The following MIR2052HG variants were observed in gnomAD, a reference collection of about 807,000 sequenced individuals.
MIR2052HG encodes MIR2052 host gene.
chr8:74,651,468 A>G (rs1009761336), intron 2 of MIR2052HG, among the ~76,000 whole-genome samples: 1 of 152,154 alleles, frequency 6.6e-6, no homozygotes, highest in African/African-American at 2.4e-5. Flanking sequence ...ATAAAATAGT[A>G]TAACATTTAT....
intron 2 of MIR2052HG, among the ~76,000 whole-genome samples, chr8:74,633,558 C>G (rs79527808): frequency 1.3e-5 from 2 of 152,156 alleles, no homozygotes; most frequent in Non-Finnish European, 2.9e-5. Context: ...TGCTAAATGA[C>G]GGCAGAGATT....
chr8:74,619,637 A>T (rs1808333756), intron 2 of MIR2052HG, among the ~76,000 whole-genome samples: 1 of 152,154 alleles, frequency 6.6e-6, no homozygotes, highest in Non-Finnish European at 1.5e-5. Context: ...ACACTTATAA[A>T]ACCATAAGAT....
chr8:74,704,644 T>G (rs1477388252), intron 4 of MIR2052HG, among the ~76,000 whole-genome samples: 1 of 152,060 alleles, frequency 6.6e-6, no homozygotes, highest in East Asian at 1.9e-4. Context: ...ATAACTGCAC[T>G]TAGAATTACA....
chr8:74,711,376 G>T lies in MIR2052HG; in HGVS notation n.371+7694G>T, dbSNP rs1384382506. ...CCCATTCCCTAACTCAATGCCTTGTGTATGTAGGAGGATCTTAATCATTTT... is the reference window on the plus strand; with the variant it reads ...CCCATTCCCTAACTCAATGCCTTGTTTATGTAGGAGGATCTTAATCATTTT... On this transcript the variant is annotated intron_variant and non_coding_transcript_variant, in intron 4 of 6. Transcript: ENST00000523442. 2.0e-5 allele frequency among the ~76,000 whole-genome samples: 3 copies of T among 152,182 alleles called. No individual in the cohort carries two copies. In the South Asian group the frequency reaches 6.2e-4, roughly 31 times the overall value.
In MIR2052HG at chr8:74,680,656, A is replaced by G. The variant is rs1054855372; in HGVS notation, n.217-21723A>G. On this transcript the variant is annotated intron_variant and non_coding_transcript_variant, in intron 2 of 6. Transcript: ENST00000523442. ...CAACCATTGTGGAAGTCAGTGTGGC[A>G]ATTCCTCAGGGATCTAGAACTAGAA... Among the ~76,000 whole-genome samples the G allele has an allele frequency of 2.6e-3, 392 of 152,250 alleles. 1 individual carries two copies. The highest frequency in any genetic ancestry group is 8.4e-3 in the African/African-American group (349 of 41,540).
At chr8:74,718,265 A>G (rs1176516454) in intron 4 of MIR2052HG, among the ~76,000 whole-genome samples, 1 of 151,992 alleles carries the variant, frequency 6.6e-6, no homozygotes. Flanking sequence ...AAGGACACAG[A>G]TTTTGGTAAG....
intron 4 of MIR2052HG, among the ~76,000 whole-genome samples, chr8:74,721,117 C>T (rs1809573817): frequency 6.6e-6 from 1 of 152,114 alleles, no homozygotes; most frequent in Non-Finnish European, 1.5e-5. Context: ...TGCCTTTGTG[C>T]TCTGCTATCC....
chr8:74,690,383 A>G (rs1400442829), intron 2 of MIR2052HG, among the ~76,000 whole-genome samples: 1 of 152,208 alleles, frequency 6.6e-6, no homozygotes, highest in Non-Finnish European at 1.5e-5. Flanking sequence ...GAGCTAATGT[A>G]CAGAGGCAGG....
chr8:74,644,869 C>A (rs1245836161), intron 2 of MIR2052HG, among the ~76,000 whole-genome samples: 1 of 151,736 alleles, frequency 6.6e-6, no homozygotes, highest in East Asian at 1.9e-4. Flanking sequence ...CTAGCCTGGG[C>A]AAGAGAACAA....
intron 2 of MIR2052HG, among the ~76,000 whole-genome samples, chr8:74,659,932 GT>G (rs942713989): frequency 2.0e-5 from 3 of 152,142 alleles, no homozygotes; most frequent in African/African-American, 7.2e-5. Flanking sequence ...CACAATTTTT[GT>G]TTTTTGTTTT....
intron 2 of MIR2052HG, among the ~76,000 whole-genome samples, chr8:74,666,521 C>A (rs1808925808): frequency 6.6e-6 from 1 of 152,068 alleles, no homozygotes; most frequent in African/African-American, 2.4e-5. Flanking sequence ...GAGATCAGCC[C>A]CTCATCCCCT....
In MIR2052HG at chr8:74,623,327, T is replaced by C. The variant is rs75083476; in HGVS notation, n.216+10387T>C. Among the ~76,000 whole-genome samples the C allele has an allele frequency of 9.8e-3, 1,495 of 152,220 alleles. 28 individuals are homozygous for C. Among genetic ancestry groups the C allele is most frequent in the African/African-American group, 0.033 (1,376 of 41,524 alleles). ...AAATTTCCTTAGGTGGGGGTGACAA[T>C]TGGGGACATTTTACACGGAGGGAAC... On this transcript the variant is annotated intron_variant and non_coding_transcript_variant, in intron 2 of 6. Coordinates refer to ENST00000523442, the Ensembl canonical transcript of MIR2052HG.
chr8:74,730,719 A>G (rs1004265002), intron 4 of MIR2052HG, among the ~76,000 whole-genome samples: 1 of 152,196 alleles, frequency 6.6e-6, no homozygotes, highest in Non-Finnish European at 1.5e-5. Context: ...ATTCACTTTT[A>G]GGATTCTGCC....
chr8:74,731,673 C>T lies in MIR2052HG; in HGVS notation n.372-20768C>T, dbSNP rs549103860. 3.9e-5 allele frequency among the ~76,000 whole-genome samples: 6 copies of T among 152,254 alleles called. No individual in the cohort carries two copies. The South Asian group carries it at 1.0e-3, about 26-fold the overall frequency. ...AATGGATGGTGTGTCTATCATTCTA[C>T]AAGACATAGTGTATTTATTAAGTTG... is the stretch of plus-strand genomic sequence containing the variant. On this transcript the variant is annotated intron_variant and non_coding_transcript_variant, in intron 4 of 6. Coordinates refer to ENST00000523442, the Ensembl canonical transcript of MIR2052HG.
intron 2 of MIR2052HG, among the ~76,000 whole-genome samples, chr8:74,625,709 A>G (rs1329045315): frequency 6.6e-6 from 1 of 152,204 alleles, no homozygotes; most frequent in African/African-American, 2.4e-5. Context: ...ACAATCATTT[A>G]AAGACTTTGA....
chr8:74,608,510 A>G (rs890477035), intron 1 of MIR2052HG, among the ~76,000 whole-genome samples: 1 of 152,164 alleles, frequency 6.6e-6, no homozygotes, highest in Non-Finnish European at 1.5e-5. Context: ...ATCAGAATAC[A>G]CATTCTTTTC....
chr8:74,611,262 G>A (rs1386562551), intron 1 of MIR2052HG, among the ~76,000 whole-genome samples: 2 of 152,010 alleles, frequency 1.3e-5, no homozygotes, highest in Non-Finnish European at 2.9e-5. Context: ...AAAACACCAT[G>A]AGATACCATT....
chr8:74,603,213 TG>T (rs1177552769), intron 1 of MIR2052HG: 8 of 1,119,730 alleles, frequency 7.1e-6, no homozygotes, highest in Non-Finnish European at 1.1e-5. Context: ...AATCGCTGAC[TG>T]TTCAGAAACT....
intron 2 of MIR2052HG, among the ~76,000 whole-genome samples, chr8:74,679,521 CTATTATTATTATTATTATTAT>C (rs71565406): frequency 1.1e-4 from 15 of 142,014 alleles, no homozygotes; most frequent in Admixed American, 5.7e-4. Context: ...GGCTTGTTTA[CTATTATTATTATTATTATTAT>C]TATTATTATT....
Sources: gnomAD v4.1 joint callset for allele counts (sites outside exome capture counted in the v4.1 genomes callset) on GRCh38, gnomAD v4.1.1 for gene constraint, MANE v1.5 for transcripts, NCBI Gene and HGNC (gene_info 2026-07-23, HGNC 2026-07-21) for gene names.